C1orf74: variants seen among roughly 807,000 people sequenced by gnomAD.
C1orf74 encodes chromosome 1 open reading frame 74.
Under a neutral mutation model 7.3 loss-of-function variants are expected in C1orf74, and 5 were observed. That is an observed-to-expected ratio of 0.68 (90% CI 0.36 to 1.44). C1orf74 has a LOEUF of 1.44. C1orf74 is among the 40% of genes most tolerant of loss of function. C1orf74 has a pLI of 0.04. For missense variants in C1orf74, 291 were observed against 314.3 expected, an observed-to-expected ratio of 0.93 and a Z score of 0.56; for synonymous variants, 121 against 132.5, an observed-to-expected ratio of 0.91 and a Z score of 0.59.
In C1orf74 at chr1:209,780,460, G is replaced by T. The variant is rs769802646; in HGVS notation, c.*2365C>A. The T allele has an allele frequency of 3.2e-6, 5 of 1,546,548 alleles. No homozygotes were observed. The South Asian group carries it at 4.8e-5, about 15-fold the overall frequency. On this transcript the variant is annotated 3_prime_UTR_variant, in exon 2 of 2. Coordinates refer to ENST00000294811, the MANE Select transcript of C1orf74 (RefSeq NM_152485.4). ...CCTCACTGTCACCAAGAATCTGGCT[G>T]CTTTTTTAGATCAGGCTTTGCCCGT...
In C1orf74 at chr1:209,779,248, G is replaced by T; in HGVS notation, c.*3577C>A. On this transcript the variant is annotated 3_prime_UTR_variant, in exon 2 of 2. Transcript: ENST00000294811. ...TTTAATAACCAAGGTTCTAAGCAAA[G>T]TTCTGAAAAGAAAACTTTTTGTAGT... 1 of 1,381,244 alleles carries T rather than the reference G, an allele frequency of 7.2e-7. No homozygotes were observed. The highest frequency in any genetic ancestry group is 1.0e-6 in the Non-Finnish European group (1 of 979,848). 85.6% of individuals were successfully genotyped at this position (1,381,244 alleles called of 1,614,324 possible).
chr1:209,781,370 ACAAC>A lies in C1orf74; in HGVS notation c.*1451_*1454del. ...TGCAGAGAACTGCATTCAGAATTAG[ACAAC>A]CTCAGTGACGAGTATCTCTCCTGCC... On this transcript the variant is annotated 3_prime_UTR_variant, in exon 2 of 2. Transcript: ENST00000294811. The A allele has an allele frequency of 6.2e-7, 1 of 1,613,288 alleles. No individual in the cohort carries two copies. The highest frequency in any genetic ancestry group is 1.3e-5 in the African/African-American group (1 of 75,042).
Position 209,779,757 on chromosome 1 carries a change from A to AGTTTCCT in C1orf74, c.*3067_*3068insAGGAAAC. ...AGAGTCAACTCACTGTTAGCCCTAG[A>AGTTTCCT]GAGTCTACTGTCCATGTTTCCTGAG... is the stretch of plus-strand genomic sequence containing the variant. On this transcript the variant is annotated 3_prime_UTR_variant, in exon 2 of 2. Transcript: ENST00000294811. The AGTTTCCT allele has an allele frequency of 1.9e-6, 1 of 531,274 alleles. No homozygotes were observed. Among genetic ancestry groups the AGTTTCCT allele is most frequent in the Non-Finnish European group, 3.3e-6 (1 of 299,030 alleles). The allele number at this position is 531,274 out of a possible 1,614,324, so 32.9% of individuals were successfully genotyped here. A position where few individuals can be genotyped will look rare whatever the true frequency, so the allele number is the denominator to read the frequency against.
Position 209,783,703 on chromosome 1 carries a change from G to A in C1orf74, c.-69C>T. 7.7e-7 allele frequency: 1 copy of A among 1,299,864 alleles called. No individual in the cohort carries two copies. The highest frequency in any genetic ancestry group is 2.8e-4 in the Middle Eastern group (1 of 3,604). 80.5% of individuals were successfully genotyped at this position (1,299,864 alleles called of 1,614,324 possible). A position where few individuals can be genotyped will look rare whatever the true frequency, so the allele number is the denominator to read the frequency against. ...GGCATCTTTCAGCCAGACACTTGAGGAGGGGCCTAGAAACAAAGCAGGAGC... is the reference window on the plus strand; with the variant it reads ...GGCATCTTTCAGCCAGACACTTGAGAAGGGGCCTAGAAACAAAGCAGGAGC... On this transcript the variant is annotated 5_prime_UTR_variant, in exon 2 of 2. Coordinates refer to ENST00000294811, the MANE Select transcript of C1orf74 (RefSeq NM_152485.4).
Position 209,780,791 on chromosome 1 carries a change from C to T in C1orf74, c.*2034G>A, listed in dbSNP as rs750662478. 6.2e-5 allele frequency: 26 copies of T among 421,236 alleles called. No individual in the cohort carries two copies. Among genetic ancestry groups the T allele is most frequent in the Non-Finnish European group, 9.1e-5 (23 of 252,264 alleles). The allele number at this position is 421,236 out of a possible 1,614,324, so 26.1% of individuals were successfully genotyped here. On this transcript the variant is annotated 3_prime_UTR_variant, in exon 2 of 2. Transcript: ENST00000294811. ...CAATCTTTTCCCTTCCTTATTTATACCAACTCCTATTCAAGGTTTTATTAA... is the reference window on the plus strand; with the variant it reads ...CAATCTTTTCCCTTCCTTATTTATATCAACTCCTATTCAAGGTTTTATTAA...
Position 209,781,823 on chromosome 1 carries a change from T to A in C1orf74, c.*1002A>T. 1.8e-6 allele frequency: 1 copy of A among 549,878 alleles called. No individual in the cohort carries two copies. The highest frequency in any genetic ancestry group is 3.3e-6 in the Non-Finnish European group (1 of 307,614). The allele number at this position is 549,878 out of a possible 1,614,324, so 34.1% of individuals were successfully genotyped here. A position where few individuals can be genotyped will look rare whatever the true frequency, so the allele number is the denominator to read the frequency against. On this transcript the variant is annotated 3_prime_UTR_variant, in exon 2 of 2. Transcript: ENST00000294811. ...TATTTTCCACCCTTCATTATTCATA[T>A]CAGTATTTATATATCTGGTCCCTGA...
chr1:209,782,313 G>T lies in C1orf74; in HGVS notation c.*512C>A. On this transcript the variant is annotated 3_prime_UTR_variant, in exon 2 of 2. Transcript: ENST00000294811. ...TAAATAAACTTCACCTGACCAGATTGTTCCTCAGAACTCTCAGTTTATTCC... is the reference window on the plus strand; with the variant it reads ...TAAATAAACTTCACCTGACCAGATTTTTCCTCAGAACTCTCAGTTTATTCC... The T allele has an allele frequency of 1.6e-6, 1 of 608,268 alleles. No individual in the cohort carries two copies. Among genetic ancestry groups the T allele is most frequent in the Non-Finnish European group, 3.0e-6 (1 of 338,682 alleles). 37.7% of individuals were successfully genotyped at this position (608,268 alleles called of 1,614,324 possible).
Position 209,780,657 on chromosome 1 carries a change from A to G in C1orf74, c.*2168T>C, listed in dbSNP as rs914029328. On this transcript the variant is annotated 3_prime_UTR_variant, in exon 2 of 2. Transcript: ENST00000294811. ...GGGCTCATTTGCGAAATAGCAGAGA[A>G]ACCTGGGAGGCAGTCAAAAAGCAGG... 21 of 1,452,820 alleles carry G rather than the reference A, an allele frequency of 1.4e-5. No homozygotes were observed. Among genetic ancestry groups the G allele is most frequent in the Non-Finnish European group, 1.9e-5 (21 of 1,089,190 alleles). 90.0% of individuals were successfully genotyped at this position (1,452,820 alleles called of 1,614,324 possible).
Position 209,780,214 on chromosome 1 carries a change from T to A in C1orf74, c.*2611A>T, listed in dbSNP as rs967519958. On this transcript the variant is annotated 3_prime_UTR_variant, in exon 2 of 2. Transcript: ENST00000294811. ...TTAAGAAGTATTCACTAAAACTATC[T>A]AGCACTAGATAAGACTGGGGATACA... 3.6e-5 allele frequency: 10 copies of A among 275,128 alleles called. No homozygotes were observed. The highest frequency in any genetic ancestry group is 6.0e-5 in the Non-Finnish European group (9 of 148,770). 17.0% of individuals were successfully genotyped at this position (275,128 alleles called of 1,614,324 possible).
At position 209,779,402 on chromosome 1, in the gene C1orf74, A is replaced by G. The variant is rs1184458571; in HGVS notation, c.*3423T>C. The stretch of plus-strand genomic sequence containing the variant: ...CAGCAAATTTATTACCACAAATTCT[A>G]AGATATTGCTCTTCTCTTACCTGCC... On this transcript the variant is annotated 3_prime_UTR_variant, in exon 2 of 2. Coordinates refer to ENST00000294811, the MANE Select transcript of C1orf74 (RefSeq NM_152485.4). The G allele has an allele frequency of 1.3e-6, 2 of 1,594,842 alleles. No homozygotes were observed. Among genetic ancestry groups the G allele is most frequent in the South Asian group, 2.2e-5 (2 of 90,690 alleles).
At position 209,781,978 on chromosome 1, in the gene C1orf74, G is replaced by A; in HGVS notation, c.*847C>T. 8.2e-7 allele frequency: 1 copy of A among 1,220,012 alleles called. No individual in the cohort carries two copies. Among genetic ancestry groups the A allele is most frequent in the South Asian group, 1.2e-5 (1 of 82,464 alleles). The allele number at this position is 1,220,012 out of a possible 1,614,324, so 75.6% of individuals were successfully genotyped here. On this transcript the variant is annotated 3_prime_UTR_variant, in exon 2 of 2. Coordinates refer to ENST00000294811, the MANE Select transcript of C1orf74 (RefSeq NM_152485.4). ...CAGCGTTTTCCACTGGGCTAGAGTA[G>A]GAAGAAGAAAGATTTTTGCCTATAT...
chr1:209,782,891 A>T lies in C1orf74; in HGVS notation c.744T>A (p.Thr248=). Residue 248 remains threonine (T), a synonymous_variant, in exon 2 of 2, where the codon ACT becomes ACA. Coordinates refer to ENST00000294811, the MANE Select transcript of C1orf74 (RefSeq NM_152485.4). ...WEKDLRTRFR[T]QNDFADLSIS... is the part of the protein sequence containing the mutation. ...TGCTGAGATCAGCAAAGTCATTCTG[A>T]GTCCTAAATCGGGTTCTGAGGTCCT... 3 of 1,614,184 alleles carry T rather than the reference A, an allele frequency of 1.9e-6. No individual in the cohort carries two copies. Among genetic ancestry groups the T allele is most frequent in the Non-Finnish European group, 2.5e-6 (3 of 1,180,036 alleles).
rs759490333 is a variant in C1orf74 at position 209,780,486 on chromosome 1, G to A, written c.*2339C>T. On this transcript the variant is annotated 3_prime_UTR_variant, in exon 2 of 2. Transcript: ENST00000294811. ...CTTTTTTAGATCAGGCTTTGCCCGTGTGGAGTCCAAAGTCCTTCCCTAACG... is the reference window on the plus strand; with the variant it reads ...CTTTTTTAGATCAGGCTTTGCCCGTATGGAGTCCAAAGTCCTTCCCTAACG... The A allele has an allele frequency of 3.8e-6, 6 of 1,595,716 alleles. No homozygotes were observed. The highest frequency in any genetic ancestry group is 1.4e-5 in the African/African-American group (1 of 74,006).
In C1orf74 at chr1:209,779,267, T is replaced by C. The variant is rs1290430860; in HGVS notation, c.*3558A>G. On this transcript the variant is annotated 3_prime_UTR_variant, in exon 2 of 2. Coordinates refer to ENST00000294811, the MANE Select transcript of C1orf74 (RefSeq NM_152485.4). ...AGCAAAGTTCTGAAAAGAAAACTTT[T>C]TGTAGTAAATATGCTAGCATAGACA... 1.9e-6 allele frequency: 3 copies of C among 1,548,426 alleles called. No individual in the cohort carries two copies. The highest frequency in any genetic ancestry group is 2.7e-5 in the African/African-American group (2 of 73,080).
rs572870245 is a variant in C1orf74 at position 209,780,558 on chromosome 1, A to G, written c.*2267T>C. Reference sequence around the variant, plus strand: ...GGAAGGAGAAAGACTGGGATCTCAGAGACCAGCTGCAAAAGAAGACTTTGC... The same window carrying G: ...GGAAGGAGAAAGACTGGGATCTCAGGGACCAGCTGCAAAAGAAGACTTTGC... On this transcript the variant is annotated 3_prime_UTR_variant, in exon 2 of 2. Transcript: ENST00000294811. 3 of 1,601,674 alleles carry G rather than the reference A, an allele frequency of 1.9e-6. No individual in the cohort carries two copies. In the African/African-American group the frequency reaches 4.0e-5, roughly 22 times the overall value.
Position 209,779,496 on chromosome 1 carries a change from G to C in C1orf74, c.*3329C>G, listed in dbSNP as rs758784098. 6 of 817,162 alleles carry C rather than the reference G, an allele frequency of 7.3e-6. No homozygotes were observed. In the African/African-American group the frequency reaches 8.5e-5, roughly 12 times the overall value. 50.6% of individuals were successfully genotyped at this position (817,162 alleles called of 1,614,324 possible). A position where few individuals can be genotyped will look rare whatever the true frequency, so the allele number is the denominator to read the frequency against. ...CAGTTCTGGGAGTCTGTTAAGTCCG[G>C]GATGTGTGGGAGCTTTTTAAGGACT... is the stretch of plus-strand genomic sequence containing the variant. On this transcript the variant is annotated 3_prime_UTR_variant, in exon 2 of 2. Coordinates refer to ENST00000294811, the MANE Select transcript of C1orf74 (RefSeq NM_152485.4).
Position 209,782,009 on chromosome 1 carries a change from C to G in C1orf74, c.*816G>C, listed in dbSNP as rs1350901204. ...AGAAAGATTTTTGCCTATATCTTTT[C>G]CAATCCACTCATGGCCACTTTCTTC... is the stretch of plus-strand genomic sequence containing the variant. On this transcript the variant is annotated 3_prime_UTR_variant, in exon 2 of 2. Transcript: ENST00000294811. 1.3e-6 allele frequency: 2 copies of G among 1,491,912 alleles called. No homozygotes were observed. Among genetic ancestry groups the G allele is most frequent in the Non-Finnish European group, 1.9e-6 (2 of 1,068,720 alleles). 92.4% of individuals were successfully genotyped at this position (1,491,912 alleles called of 1,614,324 possible).
chr1:209,782,036 G>T lies in C1orf74; in HGVS notation c.*789C>A. On this transcript the variant is annotated 3_prime_UTR_variant, in exon 2 of 2. Transcript: ENST00000294811. ...AATCCACTCATGGCCACTTTCTTCT[G>T]TCTCCCTGTCCCCCTACAGAGGCAA... is the stretch of plus-strand genomic sequence containing the variant. 6.2e-7 allele frequency: 1 copy of T among 1,606,162 alleles called. No homozygotes were observed. The highest frequency in any genetic ancestry group is 8.5e-7 in the Non-Finnish European group (1 of 1,172,790).
At position 209,781,618 on chromosome 1, in the gene C1orf74, A is replaced by G. The variant is rs1460352813; in HGVS notation, c.*1207T>C. 5 of 544,612 alleles carry G rather than the reference A, an allele frequency of 9.2e-6. No homozygotes were observed. The highest frequency in any genetic ancestry group is 1.6e-5 in the Non-Finnish European group (5 of 303,372). The allele number at this position is 544,612 out of a possible 1,614,324, so 33.7% of individuals were successfully genotyped here. On this transcript the variant is annotated 3_prime_UTR_variant, in exon 2 of 2. Coordinates refer to ENST00000294811, the MANE Select transcript of C1orf74 (RefSeq NM_152485.4). ...ACTGACATTATGGCAACCATTGAAA[A>G]AAACACTGGCTCGTCCATCAAAGCC...
Sources: gnomAD v4.1 joint callset for allele counts on GRCh38, gnomAD v4.1.1 for gene constraint, MANE v1.5 for transcripts, NCBI Gene and HGNC (gene_info 2026-07-23, HGNC 2026-07-21) for gene names.